CD2AP: variants seen among roughly 807,000 people sequenced by gnomAD.
CD2AP encodes the protein CD2-associated protein.
Under a neutral mutation model 85.1 loss-of-function variants are expected in CD2AP, and 46 were observed. That is an observed-to-expected ratio of 0.54 (90% CI 0.43 to 0.69). The LOEUF (loss-of-function observed/expected upper bound fraction) is 0.69, where lower values mean the gene tolerates loss of function less well. Among genes scored for constraint, CD2AP ranks in the 30% least tolerant of loss-of-function variants. The pLI is 0.00. For synonymous variants in CD2AP, 255 were observed against 252.9 expected, an observed-to-expected ratio of 1.01 and a Z score of -0.08; for missense variants, 769 against 729.5, an observed-to-expected ratio of 1.05 and a Z score of -0.62.
At chr6:47,589,002 A>G (rs1210385339) in intron 11 of CD2AP, among the ~76,000 whole-genome samples, 2 of 152,090 alleles carry the variant, frequency 1.3e-5, no homozygotes, top group Non-Finnish European at 2.9e-5. Context: ...TTGTCTGCTG[A>G]AGACTTTGAG....
chr6:47,482,598 T>C (rs192188295), intron 1 of CD2AP, among the ~76,000 whole-genome samples: 25 of 152,264 alleles, frequency 1.6e-4, no homozygotes, highest in Admixed American at 1.5e-3. Flanking sequence ...CAGGATGGTC[T>C]CGATCTCCTG....
chr6:47,616,739 TAAAA>T (rs1458904309), intron 17 of CD2AP, among the ~76,000 whole-genome samples: 2 of 152,110 alleles, frequency 1.3e-5, no homozygotes, highest in African/African-American at 4.8e-5. Context: ...GCCATCCTCT[TAAAA>T]AAAGTCTACT....
chr6:47,554,765 A>G lies in CD2AP; in HGVS notation c.540A>G (p.Ser180=). 2 of 1,609,214 alleles carry G rather than the reference A, an allele frequency of 1.2e-6. No homozygotes were observed. The highest frequency in any genetic ancestry group is 2.2e-5 in the East Asian group (1 of 44,714). The change falls in exon 5 of 18, where the codon TCA becomes TCG. Residue 180 remains serine (S), a splice_region_variant and synonymous_variant. Coordinates refer to ENST00000359314, the MANE Select transcript of CD2AP (RefSeq NM_012120.3). ...DGETHEAQDD[S]ETVLAGPTSP... ...AAACTCATGAAGCCCAGGACGATTC[A>G]GGTAGACTATTTTTTAAAATTTTTA...
chr6:47,584,764 G>A (rs1439332414), intron 11 of CD2AP, among the ~76,000 whole-genome samples: 2 of 151,908 alleles, frequency 1.3e-5, no homozygotes, highest in Non-Finnish European at 2.9e-5. Context: ...TTAATTCTTT[G>A]TGAACTAGTT....
chr6:47,489,007 G>C (rs934028138), intron 1 of CD2AP: 1 of 152,114 alleles, frequency 6.6e-6, no homozygotes, highest in Non-Finnish European at 1.5e-5. Context: ...TCTTACTGCT[G>C]CTGTTCTTAC....
intron 2 of CD2AP, among the ~76,000 whole-genome samples, chr6:47,510,236 G>T (rs1050898127): frequency 3.3e-5 from 5 of 152,166 alleles, no homozygotes; most frequent in African/African-American, 1.2e-4. Flanking sequence ...ATATGTGTCT[G>T]TGTTTATATA....
chr6:47,515,692 T>C (rs1188007955), intron 2 of CD2AP, among the ~76,000 whole-genome samples: 1 of 152,168 alleles, frequency 6.6e-6, no homozygotes, highest in East Asian at 1.9e-4. Flanking sequence ...GCAAGTGATA[T>C]AAATCCTAGT....
At chr6:47,612,270 T>G (rs971991063) in intron 16 of CD2AP, among the ~76,000 whole-genome samples, 1 of 152,142 alleles carries the variant, frequency 6.6e-6, no homozygotes, top group African/African-American at 2.4e-5. Context: ...GATCTCAGAT[T>G]TGTCTTGGTT....
chr6:47,514,696 CAT>C (rs1349235496), intron 2 of CD2AP, among the ~76,000 whole-genome samples: 14 of 152,100 alleles, frequency 9.2e-5, no homozygotes, highest in South Asian at 2.1e-4. Flanking sequence ...GAATGGCAGA[CAT>C]GTGATAAGAT....
At chr6:47,619,897 G>T (rs1769701305) in intron 17 of CD2AP, among the ~76,000 whole-genome samples, 1 of 152,112 alleles carries the variant, frequency 6.6e-6, no homozygotes, top group Non-Finnish European at 1.5e-5. Flanking sequence ...CATGAACTTA[G>T]CCCACTTTTT....
intron 3 of CD2AP, among the ~76,000 whole-genome samples, chr6:47,535,986 G>A (rs140037275): frequency 8.5e-5 from 13 of 152,228 alleles, no homozygotes; most frequent in Non-Finnish European, 1.6e-4. Flanking sequence ...TTTGCCTTTC[G>A]TAAGAACACT....
rs560613166 is a variant in CD2AP, at chr6:47,621,804, C to T, written c.1879-2382C>T. On this transcript the variant is annotated intron_variant, in intron 17 of 17. Coordinates refer to ENST00000359314, the MANE Select transcript of CD2AP (RefSeq NM_012120.3). ...TATTTTTCCAGAAATTCATCCATCT[C>T]TTCTAGGTTTTCTAGTTTATGTGCA... Among the ~76,000 whole-genome samples, 4 of 152,228 alleles carry T rather than the reference C, an allele frequency of 2.6e-5. No individual in the cohort carries two copies. The South Asian group carries it at 6.2e-4, about 24-fold the overall frequency.
chr6:47,490,168 A>T (rs1385024351), intron 1 of CD2AP, among the ~76,000 whole-genome samples: 1 of 152,142 alleles, frequency 6.6e-6, no homozygotes, highest in Non-Finnish European at 1.5e-5. Flanking sequence ...AAAACTGTAG[A>T]CATAGGGTCT....
chr6:47,560,750 T>C (rs1767837634), intron 5 of CD2AP, among the ~76,000 whole-genome samples: 1 of 152,204 alleles, frequency 6.6e-6, no homozygotes, highest in Non-Finnish European at 1.5e-5. Context: ...CACTGTACTT[T>C]TACTGTTTTT....
intron 11 of CD2AP, among the ~76,000 whole-genome samples, chr6:47,585,965 A>G (rs1025151069): frequency 6.6e-6 from 1 of 152,384 alleles, no homozygotes; most frequent in East Asian, 1.9e-4. Flanking sequence ...ACTTAAAAGC[A>G]TATAATGAAA....
chr6:47,521,555 AAAG>A (rs1470346350), intron 2 of CD2AP, among the ~76,000 whole-genome samples: 16 of 152,332 alleles, frequency 1.1e-4, no homozygotes, highest in Admixed American at 7.2e-4. Context: ...CCGTCTCAAA[AAAG>A]AAATGGCACA....
intron 2 of CD2AP, among the ~76,000 whole-genome samples, chr6:47,504,936 G>C (rs1292442980): frequency 6.6e-6 from 1 of 151,508 alleles, no homozygotes; most frequent in Non-Finnish European, 1.5e-5. Flanking sequence ...TCTTTTTGCT[G>C]GTGGAGGATT....
At chr6:47,619,123 C>T (rs1769677667) in intron 17 of CD2AP, among the ~76,000 whole-genome samples, 1 of 152,182 alleles carries the variant, frequency 6.6e-6, no homozygotes, top group African/African-American at 2.4e-5. Context: ...TATTTGGTTA[C>T]ATGAGTAAGT....
chr6:47,481,473 G>A (rs1411743140), intron 1 of CD2AP, among the ~76,000 whole-genome samples: 2 of 152,164 alleles, frequency 1.3e-5, no homozygotes, highest in East Asian at 1.9e-4. Flanking sequence ...ATCCTCCTCA[G>A]TAGCTGGGAT....
Sources: allele counts gnomAD v4.1 joint callset (sites outside exome capture counted in the v4.1 genomes callset), GRCh38; gene constraint gnomAD v4.1.1; transcripts MANE v1.5; gene names NCBI Gene and HGNC (gene_info 2026-07-23, HGNC 2026-07-21).